Variants in ZHX3 observed in about 807,000 individuals in gnomAD.
ZHX3 encodes zinc fingers and homeoboxes protein 3.
ZHX3 carries 20 observed loss-of-function variants against 64.5 expected under a neutral mutation model. The ratio of observed to expected loss-of-function variants is 0.31; its 90% CI spans 0.22 to 0.45. ZHX3 has a LOEUF of 0.45. Ranked by LOEUF, ZHX3 falls within the 20% of genes least tolerant of loss-of-function variation. The pLI is 1.00. For missense variants in ZHX3, 1,041 were observed against 1,195.8 expected (o/e 0.87, Z 1.91); for synonymous variants, 423 against 461.6 (o/e 0.92, Z 1.07).
chr20:41,186,744 G>T (rs989317023), intron 3 of ZHX3, among the ~76,000 whole-genome samples: 1 of 152,188 alleles, frequency 6.6e-6, no homozygotes, highest in African/African-American at 2.4e-5. Context: ...AATGCCAAAG[G>T]TTCGTCTTTT....
chr20:41,302,033 G>C (rs1210957516), intron 1 of ZHX3, among the ~76,000 whole-genome samples: 3 of 129,700 alleles, frequency 2.3e-5, no homozygotes, highest in Non-Finnish European at 4.7e-5. Context: ...CAGCCTGGGC[G>C]ACGGAGCGAG....
intron 2 of ZHX3, among the ~76,000 whole-genome samples, chr20:41,260,605 C>G (rs2042514127): frequency 6.6e-6 from 1 of 152,216 alleles, no homozygotes; most frequent in South Asian, 2.1e-4. Context: ...AAATCTATCA[C>G]TATTTGTGTG....
At chr20:41,214,430 C>A (rs959621715) in intron 2 of ZHX3, among the ~76,000 whole-genome samples, 1 of 152,314 alleles carries the variant, frequency 6.6e-6, no homozygotes, top group East Asian at 1.9e-4. Flanking sequence ...CAAGCAGTCT[C>A]GCTCCAGAGC....
intron 2 of ZHX3, among the ~76,000 whole-genome samples, chr20:41,251,981 A>G (rs2042015712): frequency 6.6e-6 from 1 of 152,230 alleles, no homozygotes; most frequent in Non-Finnish European, 1.5e-5. Context: ...ATCTACAATA[A>G]GAAAGAATGG....
At chr20:41,259,765 A>C (rs1339131205) in intron 2 of ZHX3, among the ~76,000 whole-genome samples, 1 of 152,184 alleles carries the variant, frequency 6.6e-6, no homozygotes, top group Non-Finnish European at 1.5e-5. Flanking sequence ...CCCAACATCA[A>C]TGACTCTGGG....
intron 2 of ZHX3, among the ~76,000 whole-genome samples, chr20:41,231,467 C>A (rs1009887005): frequency 2.0e-5 from 3 of 152,232 alleles, no homozygotes; most frequent in Admixed American, 6.5e-5. Context: ...AAGACTAATT[C>A]ATGCTCAGAC....
At chr20:41,297,075 C>T (rs1018435188) in intron 1 of ZHX3, among the ~76,000 whole-genome samples, 1 of 152,134 alleles carries the variant, frequency 6.6e-6, no homozygotes, top group African/African-American at 2.4e-5. Flanking sequence ...GTTGAGAATG[C>T]CAACTTTTCC....
intron 1 of ZHX3, among the ~76,000 whole-genome samples, chr20:41,295,166 C>T (rs545105639): frequency 6.6e-6 from 1 of 151,692 alleles, no homozygotes; most frequent in Admixed American, 6.6e-5. Context: ...TTTCTTCTTC[C>T]AGAAGAACAA....
rs2146086515 is a variant in ZHX3, at chr20:41,181,529, T to C, written c.*3662A>G. 6.6e-6 allele frequency: 1 copy of C among 152,224 alleles called. No individual in the cohort carries two copies. The highest frequency in any genetic ancestry group is 3.4e-3 in the Middle Eastern group (1 of 294). The allele number at this position is 152,224 out of a possible 1,614,324, so 9.4% of individuals were successfully genotyped here. Reference sequence around the variant, plus strand: ...AAAAAGCTGCACCAATCTGAGGATATTGGTCCAAAAAGAGACAAGAGACCA... The same window carrying C: ...AAAAAGCTGCACCAATCTGAGGATACTGGTCCAAAAAGAGACAAGAGACCA... On this transcript the variant is annotated 3_prime_UTR_variant, in exon 4 of 4. Transcript: ENST00000683867.
intron 2 of ZHX3, among the ~76,000 whole-genome samples, chr20:41,259,069 T>C (rs1275969780): frequency 6.6e-6 from 1 of 152,204 alleles, no homozygotes; most frequent in Non-Finnish European, 1.5e-5. Flanking sequence ...CCTTCAGAGA[T>C]TAGCACTATA....
chr20:41,308,801 G>A (rs1403033980), intron 1 of ZHX3, among the ~76,000 whole-genome samples: 2 of 152,028 alleles, frequency 1.3e-5, no homozygotes, highest in Admixed American at 1.3e-4. Flanking sequence ...AACCCCTTGG[G>A]GATAACAACT....
intron 1 of ZHX3, among the ~76,000 whole-genome samples, chr20:41,288,330 G>C (rs1270496703): frequency 1.3e-5 from 2 of 152,144 alleles, no homozygotes; most frequent in Non-Finnish European, 2.9e-5. Context: ...TTTGACTTTA[G>C]AGCCACTCAT....
In ZHX3 at chr20:41,202,772, A is replaced by G. The variant is rs1328564260; in HGVS notation, c.2145T>C (p.His715=). ...GGCTGACTTTGCGCTCTGCCAAGAT[A>G]TGGCTGCTGGGCATTTCCAGAGAGC... is the stretch of plus-strand genomic sequence containing the variant. The part of the protein sequence containing the change: ...ENGSLEMPSS[H]ILAERKVSPI... Residue 715 remains histidine (H), a synonymous_variant, in exon 3 of 4, where the codon CAT becomes CAC. Transcript: ENST00000683867. The surrounding 1 kb of genome is among the most constrained non-coding windows in gnomAD (Gnocchi z 7.0). The G allele has an allele frequency of 2.5e-6, 4 of 1,614,072 alleles. No homozygotes were observed. The highest frequency in any genetic ancestry group is 3.3e-5 in the Admixed American group (2 of 60,016).
chr20:41,193,713 G>GTT (rs5841404), intron 3 of ZHX3, among the ~76,000 whole-genome samples: 4 of 141,828 alleles, frequency 2.8e-5, no homozygotes, highest in African/African-American at 5.3e-5. Context: ...TGTTGTTTTT[G>GTT]TTTTTTTTTT....
Position 41,202,036 on chromosome 20 carries a change from T to C in ZHX3, c.2860+21A>G. 2 of 1,565,272 alleles carry C rather than the reference T, an allele frequency of 1.3e-6. No individual in the cohort carries two copies. Among genetic ancestry groups the C allele is most frequent in the South Asian group, 1.2e-5 (1 of 81,884 alleles). ...TCCCCTTACCCACACAGGATAGCCA[T>C]GGCCCCTGTGGACTCCTTACCGAGC... On this transcript the variant is annotated intron_variant, in intron 3 of 3. Transcript: ENST00000683867. This position sits in a 1 kb window ranked among gnomAD's most constrained non-coding sequence, Gnocchi z 7.0.
At chr20:41,300,685 A>T (rs2044767652) in intron 1 of ZHX3, among the ~76,000 whole-genome samples, 1 of 152,210 alleles carries the variant, frequency 6.6e-6, no homozygotes, top group African/African-American at 2.4e-5. Flanking sequence ...CCTGAGACGA[A>T]GCTGGAAAGG....
intron 2 of ZHX3, among the ~76,000 whole-genome samples, chr20:41,231,243 A>G (rs2040583741): frequency 6.6e-6 from 1 of 152,208 alleles, no homozygotes; most frequent in Admixed American, 6.5e-5. Context: ...GAACATTTTA[A>G]ATGACATATG....
intron 2 of ZHX3, among the ~76,000 whole-genome samples, chr20:41,225,059 T>G (rs2040174592): frequency 6.6e-6 from 1 of 152,168 alleles, no homozygotes; most frequent in South Asian, 2.1e-4. Flanking sequence ...TTTCAGTGAG[T>G]GAATGGGTGA....
chr20:41,283,906 A>G (rs2043813070), intron 1 of ZHX3, among the ~76,000 whole-genome samples: 1 of 152,224 alleles, frequency 6.6e-6, no homozygotes, highest in Non-Finnish European at 1.5e-5. Context: ...TCTTGAGTGG[A>G]GAGAAGATGA....
Sources: gnomAD v4.1 joint callset for allele counts (sites outside exome capture counted in the v4.1 genomes callset) on GRCh38, gnomAD v4.1.1 for gene constraint, Gnocchi (gnomAD v3.1) non-coding constraint, MANE v1.5 for transcripts, NCBI Gene and HGNC (gene_info 2026-07-23, HGNC 2026-07-21) for gene names.